CDC42BPA: variants seen among roughly 807,000 people sequenced by gnomAD.
The protein encoded by CDC42BPA is serine/threonine-protein kinase MRCK alpha.
Under a neutral mutation model 223.5 loss-of-function variants are expected in CDC42BPA, and 80 were observed. The ratio of observed to expected loss-of-function variants is 0.36; its 90% CI spans 0.30 to 0.43. The LOEUF (loss-of-function observed/expected upper bound fraction) is 0.43. Ranked by LOEUF, CDC42BPA falls within the 20% of genes least tolerant of loss-of-function variation. CDC42BPA has a pLI of 1.00. For missense variants in CDC42BPA, 1,743 were observed against 2,099.9 expected (o/e 0.83, Z 3.32); for synonymous variants, 694 against 718.6 (o/e 0.97, Z 0.55).
intron 1 of CDC42BPA, among the ~76,000 whole-genome samples, chr1:227,254,897 T>C (rs2813961): frequency 0.31 from 46,739 of 151,904 alleles, 7,360 homozygotes; most frequent in East Asian, 0.37. Context: ...AATGTAGATA[T>C]TCCAGGCAAG....
chr1:227,134,250 T>C (rs1254976911), intron 10 of CDC42BPA, among the ~76,000 whole-genome samples: 6 of 152,218 alleles, frequency 3.9e-5, no homozygotes, highest in East Asian at 1.9e-4. Flanking sequence ...CTCTCCTCCA[T>C]TGTACTTATT....
chr1:227,278,057 T>C lies in CDC42BPA; in HGVS notation c.179-23902A>G, dbSNP rs114109507. 8.0e-3 allele frequency among the ~76,000 whole-genome samples: 1,221 copies of C among 152,306 alleles called. 17 individuals are homozygous for C. The highest frequency in any genetic ancestry group is 0.028 in the African/African-American group (1,161 of 41,562). On this transcript the variant is annotated intron_variant, in intron 1 of 36. Coordinates refer to ENST00000366766, the MANE Select transcript of CDC42BPA (RefSeq NM_001394014.1). Reference sequence around the variant, plus strand: ...AGCCACCGCACCCAGCCACCCTTAGTAGTTTTTAACTTAACTTCTAAGCCA... The same window carrying C: ...AGCCACCGCACCCAGCCACCCTTAGCAGTTTTTAACTTAACTTCTAAGCCA...
chr1:227,259,053 C>T (rs1430375128), intron 1 of CDC42BPA, among the ~76,000 whole-genome samples: 1 of 151,048 alleles, frequency 6.6e-6, no homozygotes, highest in African/African-American at 2.5e-5. Context: ...CTAATGATAA[C>T]AATACCTTGA....
At chr1:227,118,812 G>A (rs1227779972) in intron 12 of CDC42BPA, among the ~76,000 whole-genome samples, 1 of 151,986 alleles carries the variant, frequency 6.6e-6, no homozygotes, top group Non-Finnish European at 1.5e-5. Flanking sequence ...AGTTTTAAAT[G>A]ACAAATATTA....
At chr1:227,297,615 T>A (rs2148704110) in intron 1 of CDC42BPA, among the ~76,000 whole-genome samples, 1 of 152,250 alleles carries the variant, frequency 6.6e-6, no homozygotes, top group East Asian at 1.9e-4. Context: ...TAAACAGGAA[T>A]GAAGTTCTGA....
At position 227,017,035 on chromosome 1, in the gene CDC42BPA, A is replaced by C; in HGVS notation, c.4631T>G (p.Val1544Gly). The C allele has an allele frequency of 6.2e-7, 1 of 1,612,242 alleles. No individual in the cohort carries two copies. The highest frequency in any genetic ancestry group is 8.5e-7 in the Non-Finnish European group (1 of 1,179,116). ...ACTATTATCTGATGTTTCAGGTACT[A>C]CCAGTTCGTCCCCTTCTGTTAAAAT... ...KNKMAEGDEL[V>G]VPETSDNSRK... The change falls in exon 33 of 37, where the codon GTA becomes GGA. Residue 1544 changes from valine (V) to glycine (G), a missense_variant. Physicochemically the swap from Val to Gly is moderately radical, Grantham distance 109. Transcript: ENST00000366766.
chr1:227,168,497 G>GTGTTTTTTTTTTTTTT lies in CDC42BPA; in HGVS notation c.600-7862_600-7861insAAAAAAAAAAAAAACA, dbSNP rs1302291274. On this transcript the variant is annotated intron_variant, in intron 5 of 36. Coordinates refer to ENST00000366766, the MANE Select transcript of CDC42BPA (RefSeq NM_001394014.1). ...CTTTTTCATATTTATCTTCCCTGGT[G>GTGTTTTTTTTTTTTTT]TTTTTTTTTTTTTTTTGAGGCAGAG... 1.6e-3 allele frequency among the ~76,000 whole-genome samples: 127 copies of GTGTTTTTTTTTTTTTT among 80,192 alleles called. 6 individuals are homozygous for GTGTTTTTTTTTTTTTT. Among genetic ancestry groups the GTGTTTTTTTTTTTTTT allele is most frequent in the Admixed American group, 2.0e-3 (13 of 6,522 alleles). 52.6% of individuals were successfully genotyped at this position (80,192 alleles called of 152,430 possible).
rs1193882077 is a variant in CDC42BPA, at chr1:227,091,941, C to T, written c.2300G>A (p.Arg767Gln). 5 of 1,609,222 alleles carry T rather than the reference C, an allele frequency of 3.1e-6. No individual in the cohort carries two copies. Among genetic ancestry groups the T allele is most frequent in the Admixed American group, 1.7e-5 (1 of 58,966 alleles). Reference protein sequence around the residue: ...FESEFKQQYEREKVLLTEENK... With the variant: ...FESEFKQQYEQEKVLLTEENK... ...TTCTTCAGTTAACAACACTTTTTCT[C>T]GTTCATATTGTTGTTTGAACTCACT... The change falls in exon 16 of 37, where the codon CGA becomes CAA. Residue 767 changes from arginine (R) to glutamine (Q), a missense_variant. By Grantham distance (43) the Arg-to-Gln change is conservative. Around this residue, in one of 6 missense-constraint regions of CDC42BPA, gnomAD observed 464 missense variants for 488.0 expected, o/e 0.95. Coordinates refer to ENST00000366766, the MANE Select transcript of CDC42BPA (RefSeq NM_001394014.1).
At chr1:227,218,155 G>C (rs1675201626) in intron 2 of CDC42BPA, among the ~76,000 whole-genome samples, 1 of 152,154 alleles carries the variant, frequency 6.6e-6, no homozygotes, top group African/African-American at 2.4e-5. Context: ...TCAGCTGCAA[G>C]TATACAACTA....
chr1:227,255,672 AG>A (rs2148302564), intron 1 of CDC42BPA, among the ~76,000 whole-genome samples: 1 of 152,336 alleles, frequency 6.6e-6, no homozygotes, highest in South Asian at 2.1e-4. Context: ...CAGTAATAAA[AG>A]AATTAATAAT....
rs189513196 is a variant in CDC42BPA, at chr1:227,204,189, G to T, written c.355-4537C>A. On this transcript the variant is annotated intron_variant, in intron 3 of 36. Transcript: ENST00000366766. ...TCAGTGAAATTTTAAATTGCAAAAT[G>T]TAAGAATTCCAAGTATTACCATGGC... Among the ~76,000 whole-genome samples, 194 of 152,258 alleles carry T rather than the reference G, an allele frequency of 1.3e-3. 2 individuals are homozygous for T. Among genetic ancestry groups the T allele is most frequent in the African/African-American group, 4.3e-3 (177 of 41,568 alleles).
In CDC42BPA at chr1:226,992,069, G is replaced by A. The variant is rs921512765; in HGVS notation, c.*2199C>T. On this transcript the variant is annotated 3_prime_UTR_variant, in exon 37 of 37. Transcript: ENST00000366766. The stretch of plus-strand genomic sequence containing the variant: ...GAGGGTGGGGAGAGTGGGGAGGAGA[G>A]GAGAGAAGGGTGGACAGAAGGGGTG... 2.7e-5 allele frequency: 4 copies of A among 145,954 alleles called. No homozygotes were observed. The highest frequency in any genetic ancestry group is 4.5e-5 in the Non-Finnish European group (3 of 66,748). 9.0% of individuals were successfully genotyped at this position (145,954 alleles called of 1,614,324 possible).
rs1402529147 is a variant in CDC42BPA, at chr1:227,240,701, A to AC, written c.270+13362_270+13363insG. Among the ~76,000 whole-genome samples, 7 of 152,042 alleles carry AC rather than the reference A, an allele frequency of 4.6e-5. No individual in the cohort carries two copies. The East Asian group carries it at 1.2e-3, about 25-fold the overall frequency. On this transcript the variant is annotated intron_variant, in intron 2 of 36. Coordinates refer to ENST00000366766, the MANE Select transcript of CDC42BPA (RefSeq NM_001394014.1). ...CAACTGGCTACAAATACAAAAAAAA[A>AC]AATGAATCTCAATGCCGATATCACA...
intron 1 of CDC42BPA, among the ~76,000 whole-genome samples, chr1:227,272,541 T>C (rs1344802445): frequency 1.3e-5 from 2 of 152,064 alleles, no homozygotes; most frequent in African/African-American, 4.8e-5. Flanking sequence ...TCTTACAATA[T>C]AGTAAGAAAA....
At chr1:227,001,175 T>C (rs927247717) in intron 35 of CDC42BPA, among the ~76,000 whole-genome samples, 5 of 152,240 alleles carry the variant, frequency 3.3e-5, no homozygotes, top group Non-Finnish European at 7.3e-5. Flanking sequence ...CTTCTTGCTG[T>C]AGAGACTGAA....
At chr1:227,011,238 TTAAA>T (rs1456426337) in intron 34 of CDC42BPA, among the ~76,000 whole-genome samples, 12 of 152,224 alleles carry the variant, frequency 7.9e-5, no homozygotes, top group Non-Finnish European at 1.6e-4. Context: ...TGCCAGTTAC[TTAAA>T]TAGTTGATTT....
chr1:227,279,546 G>A (rs12144205), intron 1 of CDC42BPA, among the ~76,000 whole-genome samples: 17,892 of 151,762 alleles, frequency 0.12, 1,271 homozygotes, highest in South Asian at 0.21. Context: ...ACATATTAAA[G>A]TAATATAATT....
At position 226,990,314 on chromosome 1, in the gene CDC42BPA, TGTGGGGAGG is replaced by T. The variant is rs1214458292; in HGVS notation, c.*3945_*3953del. The T allele has an allele frequency of 6.6e-6, 1 of 152,224 alleles. No homozygotes were observed. Among genetic ancestry groups the T allele is most frequent in the African/African-American group, 2.4e-5 (1 of 41,456 alleles). 9.4% of individuals were successfully genotyped at this position (152,224 alleles called of 1,614,324 possible). A position where few individuals can be genotyped will look rare whatever the true frequency, so the allele number is the denominator to read the frequency against. ...TCCCCCGGAACTGCACGGTGTCCTGTGTGGGGAGGGCCCAGCGTGCTGCCAGTGCTGGGG... is the reference window on the plus strand; with the variant it reads ...TCCCCCGGAACTGCACGGTGTCCTGTGCCCAGCGTGCTGCCAGTGCTGGGG... On this transcript the variant is annotated 3_prime_UTR_variant, in exon 37 of 37. Transcript: ENST00000366766.
intron 12 of CDC42BPA, among the ~76,000 whole-genome samples, chr1:227,115,223 T>C (rs1317092304): frequency 6.6e-6 from 1 of 151,920 alleles, no homozygotes; most frequent in Non-Finnish European, 1.5e-5. Flanking sequence ...AAAAAGATAG[T>C]AGAAACACAT....
Sources: allele counts gnomAD v4.1 joint callset (sites outside exome capture counted in the v4.1 genomes callset), GRCh38; gene constraint gnomAD v4.1.1; regional missense constraint gnomAD v4.1.1; transcripts MANE v1.5; gene names NCBI Gene and HGNC (gene_info 2026-07-23, HGNC 2026-07-21).